ZNF197: variants seen among roughly 807,000 people sequenced by gnomAD.
The protein encoded by ZNF197 is zinc finger protein 197.
In ZNF197, 14 loss-of-function variants were observed where a neutral mutation model predicts 27.4. That is an observed-to-expected ratio of 0.51 (90% CI 0.34 to 0.80). The LOEUF (loss-of-function observed/expected upper bound fraction) is 0.80. Ranked by LOEUF, ZNF197 falls within the 30% of genes least tolerant of loss-of-function variation. The pLI is 0.02. For synonymous variants in ZNF197, 415 were observed against 420.0 expected (o/e 0.99, Z 0.15); for missense variants, 1,090 against 1,222.6 (o/e 0.89, Z 1.62).
chr3:44,643,760 A>G lies in ZNF197; in HGVS notation c.2630A>G (p.His877Arg). The G allele has an allele frequency of 6.2e-7, 1 of 1,614,076 alleles. No individual in the cohort carries two copies. Among genetic ancestry groups the G allele is most frequent in the African/African-American group, 1.3e-5 (1 of 75,062 alleles). The change falls in exon 6 of 6, where the codon CAT (histidine) becomes CGT (arginine). Residue 877 changes from histidine to arginine, a missense_variant. His to Arg is a conservative substitution (Grantham distance 29). Coordinates refer to ENST00000344387, the MANE Select transcript of ZNF197 (RefSeq NM_006991.5). ...IHSGEKTYEC[H>R]VCRKVLTSSR... ...AGTGGAGAAAAAACCTACGAATGTCATGTATGTAGGAAAGTCCTTACCTCT... is the reference window on the plus strand; with the variant it reads ...AGTGGAGAAAAAACCTACGAATGTCGTGTATGTAGGAAAGTCCTTACCTCT...
chr3:44,634,138 T>C (rs1702151556), intron 5 of ZNF197, among the ~76,000 whole-genome samples: 1 of 152,252 alleles, frequency 6.6e-6, no homozygotes, highest in South Asian at 2.1e-4. Flanking sequence ...GGTCAGTCTT[T>C]TAATTAAATC....
At chr3:44,629,640 T>C in intron 2 of ZNF197, 96 bp downstream of exon 2, 1 of 1,366,072 alleles carries the variant, frequency 7.3e-7, no homozygotes. Context: ...TCATTAAAAA[T>C]TAATAGCATT....
chr3:44,643,801 GTACATC>G lies in ZNF197; in HGVS notation c.2672_2677del (p.Val891_Gln893delinsGlu), dbSNP rs767098036. Reference sequence around the variant, plus strand: ...CCTTACCTCTAGTAGAAATCTTATGGTACATCAAAGAATCCATACTGGAGAGAAACC... The same window carrying G: ...CCTTACCTCTAGTAGAAATCTTATGGAAAGAATCCATACTGGAGAGAAACC... On this transcript the variant is annotated inframe_deletion, in exon 6 of 6. Coordinates refer to ENST00000344387, the MANE Select transcript of ZNF197 (RefSeq NM_006991.5). The G allele has an allele frequency of 1.2e-6, 2 of 1,613,940 alleles. No homozygotes were observed. The highest frequency in any genetic ancestry group is 3.3e-5 in the Admixed American group (2 of 60,010).
Position 44,643,336 on chromosome 3 carries a change from T to G in ZNF197, c.2206T>G (p.Cys736Gly). The change falls in exon 6 of 6, where the codon TGT (cysteine) becomes GGT (glycine). Residue 736 changes from cysteine to glycine, a missense_variant. Transcript: ENST00000344387. ...KLHTQEKAYK[C>G]EDCGKAFSYN... ...CCATACACAAGAGAAAGCCTACAAATGTGAGGATTGTGGGAAGGCTTTCAG... is the reference window on the plus strand; with the variant it reads ...CCATACACAAGAGAAAGCCTACAAAGGTGAGGATTGTGGGAAGGCTTTCAG... 1 of 1,613,960 alleles carries G rather than the reference T, an allele frequency of 6.2e-7. No homozygotes were observed. Among genetic ancestry groups the G allele is most frequent in the Non-Finnish European group, 8.5e-7 (1 of 1,179,962 alleles).
intron 1 of ZNF197, among the ~76,000 whole-genome samples, chr3:44,625,434 T>C (rs1286642930): frequency 6.6e-6 from 1 of 152,164 alleles, no homozygotes; most frequent in Admixed American, 6.5e-5. Context: ...CTCAGTAGCC[T>C]GCTCCCCCAG....
chr3:44,627,543 C>A (rs999018932), intron 1 of ZNF197, among the ~76,000 whole-genome samples: 2 of 152,076 alleles, frequency 1.3e-5, no homozygotes, highest in African/African-American at 4.8e-5. Flanking sequence ...TCCAAAAGTA[C>A]CTTTCATGGC....
At position 44,631,858 on chromosome 3, in the gene ZNF197, G is replaced by A. The variant is rs546299540; in HGVS notation, c.551-247G>A. ...TGGGACTACAGGCACGTGCCACCAC[G>A]CCCAGCTAATTTTTTTGTATTTTTA... is the stretch of plus-strand genomic sequence containing the variant. On this transcript the variant is annotated intron_variant, in intron 3 of 5. Coordinates refer to ENST00000344387, the MANE Select transcript of ZNF197 (RefSeq NM_006991.5). Among the ~76,000 whole-genome samples, 442 of 152,034 alleles carry A rather than the reference G, an allele frequency of 2.9e-3. 2 individuals are homozygous for A. The highest frequency in any genetic ancestry group is 0.01 in the African/African-American group (418 of 41,454).
chr3:44,635,295 C>T (rs9845057), intron 5 of ZNF197, among the ~76,000 whole-genome samples: 44,732 of 151,730 alleles, frequency 0.29, 7,161 homozygotes, highest in African/African-American at 0.34. Context: ...GTTGGGGCTT[C>T]GGGCAAGCAG....
chr3:44,631,310 A>G, intron 3 of ZNF197, 89 bp downstream of exon 3: 3 of 1,526,618 alleles, frequency 2.0e-6, no homozygotes, highest in Admixed American at 1.8e-5. Context: ...TTCCTCTGCT[A>G]CCCTGTCTAG....
At chr3:44,626,560 T>G (rs1328284361) in intron 1 of ZNF197, among the ~76,000 whole-genome samples, 3 of 152,170 alleles carry the variant, frequency 2.0e-5, no homozygotes, top group Non-Finnish European at 4.4e-5. Context: ...ACCCAACACC[T>G]CAATGGAAAC....
chr3:44,631,258 G>A (rs2125798607), intron 3 of ZNF197, 37 bp downstream of exon 3: 1 of 1,611,320 alleles, frequency 6.2e-7, no homozygotes, highest in Non-Finnish European at 8.5e-7. Context: ...GGCTGTTCAA[G>A]GACCCTTCCT....
At position 44,646,548 on chromosome 3, in the gene ZNF197, C is replaced by A; in HGVS notation, c.*2328C>A. Reference sequence around the variant, plus strand: ...TAAAAGACACCACGAGAAACAGACACATCCAGAACGTGGAATATTGCATAA... The same window carrying A: ...TAAAAGACACCACGAGAAACAGACAAATCCAGAACGTGGAATATTGCATAA... On this transcript the variant is annotated 3_prime_UTR_variant, in exon 6 of 6. Coordinates refer to ENST00000344387, the MANE Select transcript of ZNF197 (RefSeq NM_006991.5). 1 of 1,242,844 alleles carries A rather than the reference C, an allele frequency of 8.0e-7. No homozygotes were observed. Among genetic ancestry groups the A allele is most frequent in the Non-Finnish European group, 1.2e-6 (1 of 841,294 alleles). 77.0% of individuals were successfully genotyped at this position (1,242,844 alleles called of 1,614,324 possible).
rs1211085849 is a variant in ZNF197 at position 44,629,388 on chromosome 3, G to A, written c.234G>A (p.Lys78=). 41 of 1,614,018 alleles carry A rather than the reference G, an allele frequency of 2.5e-5. No homozygotes were observed. The highest frequency in any genetic ancestry group is 3.5e-5 in the Non-Finnish European group (41 of 1,180,022). ...RRWLRPEART[K]AQILELLVLE... ...GGCTGAGACCAGAAGCACGCACCAA[G>A]GCACAGATCCTGGAGCTGCTGGTGC... Residue 78 remains lysine, a synonymous_variant, in exon 2 of 6, where the codon AAG becomes AAA. Coordinates refer to ENST00000344387, the MANE Select transcript of ZNF197 (RefSeq NM_006991.5).
In ZNF197 at chr3:44,644,966, A is replaced by C. The variant is rs1702874532; in HGVS notation, c.*746A>C. ...TTAAAGATAGTGTCACTGCTGTGGAAAACCTGAACAGACAGTATGATCCAG... is the reference window on the plus strand; with the variant it reads ...TTAAAGATAGTGTCACTGCTGTGGACAACCTGAACAGACAGTATGATCCAG... On this transcript the variant is annotated 3_prime_UTR_variant, in exon 6 of 6. Transcript: ENST00000344387. 1 of 985,490 alleles carries C rather than the reference A, an allele frequency of 1.0e-6. No individual in the cohort carries two copies. The highest frequency in any genetic ancestry group is 1.7e-5 in the African/African-American group (1 of 57,382). The allele number at this position is 985,490 out of a possible 1,614,324, so 61.0% of individuals were successfully genotyped here.
rs1702654431 is a variant in ZNF197 at position 44,642,313 on chromosome 3, G to A, written c.1183G>A (p.Glu395Lys). The A allele has an allele frequency of 3.1e-6, 5 of 1,614,064 alleles. No individual in the cohort carries two copies. The highest frequency in any genetic ancestry group is 4.2e-6 in the Non-Finnish European group (5 of 1,180,032). ...LINHRRIHTG[E>K]KPHKCKECGK... Reference sequence around the variant, plus strand: ...AAACCATCGGAGAATCCACACTGGTGAGAAACCTCATAAATGTAAGGAATG... The same window carrying A: ...AAACCATCGGAGAATCCACACTGGTAAGAAACCTCATAAATGTAAGGAATG... The change falls in exon 6 of 6, where the codon GAG (glutamate) becomes AAG (lysine). Residue 395 changes from glutamate to lysine, a missense_variant. By Grantham distance (56) the Glu-to-Lys change is moderately conservative. Transcript: ENST00000344387.
intron 1 of ZNF197, among the ~76,000 whole-genome samples, chr3:44,626,680 A>G (rs1182137130): frequency 1.3e-5 from 2 of 152,238 alleles, no homozygotes; most frequent in Non-Finnish European, 2.9e-5. Flanking sequence ...TTTGAGAAAC[A>G]TATTGGTGAA....
In ZNF197 at chr3:44,644,742, G is replaced by A. The variant is rs1324214918; in HGVS notation, c.*522G>A. On this transcript the variant is annotated 3_prime_UTR_variant, in exon 6 of 6. Coordinates refer to ENST00000344387, the MANE Select transcript of ZNF197 (RefSeq NM_006991.5). The stretch of plus-strand genomic sequence containing the variant: ...CAACAATAAAAAGTAGACATGGGCT[G>A]GGTGCAGTGGCTCACTCCTGTAGTC... The A allele has an allele frequency of 1.0e-6, 1 of 985,822 alleles. No individual in the cohort carries two copies. The highest frequency in any genetic ancestry group is 1.7e-5 in the African/African-American group (1 of 57,372). The allele number at this position is 985,822 out of a possible 1,614,324, so 61.1% of individuals were successfully genotyped here.
chr3:44,643,759 C>A lies in ZNF197; in HGVS notation c.2629C>A (p.His877Asn), dbSNP rs139426200. The A allele has an allele frequency of 6.2e-7, 1 of 1,613,978 alleles. No homozygotes were observed. Among genetic ancestry groups the A allele is most frequent in the Non-Finnish European group, 8.5e-7 (1 of 1,180,022 alleles). Residue 877 changes from histidine (H) to asparagine (N), a missense_variant, in exon 6 of 6, where the codon CAT becomes AAT. Transcript: ENST00000344387. ...IHSGEKTYEC[H>N]VCRKVLTSSR... ...CAGTGGAGAAAAAACCTACGAATGT[C>A]ATGTATGTAGGAAAGTCCTTACCTC... is the stretch of plus-strand genomic sequence containing the variant.
Position 44,643,245 on chromosome 3 carries a change from A to C in ZNF197, c.2115A>C (p.Pro705=). ...AGAGACTCCACAATGGGGAGAAGCC[A>C]TATGAATGTCGAGAGTGTGGGAAAA... The part of the protein sequence containing the change: ...DHERLHNGEK[P]YECRECGKTF... Residue 705 remains proline, a synonymous_variant, in exon 6 of 6, where the codon CCA becomes CCC. Transcript: ENST00000344387. 6.2e-7 allele frequency: 1 copy of C among 1,614,140 alleles called. No homozygotes were observed. The highest frequency in any genetic ancestry group is 8.5e-7 in the Non-Finnish European group (1 of 1,180,034).
Sources: gnomAD v4.1 joint callset for allele counts (sites outside exome capture counted in the v4.1 genomes callset) on GRCh38, gnomAD v4.1.1 for gene constraint, MANE v1.5 for transcripts, NCBI Gene and HGNC (gene_info 2026-07-23, HGNC 2026-07-21) for gene names.